The following PAPSS2 variants were observed in gnomAD, a reference collection of about 807,000 sequenced individuals.
The protein encoded by PAPSS2 is 3'-phosphoadenosine 5'-phosphosulfate synthase 2.
A neutral mutation model predicts 66.5 loss-of-function variants in PAPSS2; 61 were observed. That is an observed-to-expected ratio of 0.92 (90% confidence interval 0.75 to 1.14). The LOEUF (loss-of-function observed/expected upper bound fraction) is 1.14. Among genes scored for constraint, PAPSS2 ranks in the 50% most tolerant of loss-of-function variants. The pLI is 0.00. For synonymous variants in PAPSS2, 289 were observed against 287.5 expected (o/e 1.01, Z -0.05); for missense variants, 708 against 789.6 (o/e 0.90, Z 1.24).
intron 11 of PAPSS2, among the ~76,000 whole-genome samples, chr10:87,744,581 A>G (rs921978240): frequency 5.9e-5 from 9 of 152,238 alleles, no homozygotes; most frequent in African/African-American, 2.2e-4. Context: ...TGAAATCAGC[A>G]TTTGTGTGTG....
intron 9 of PAPSS2, among the ~76,000 whole-genome samples, chr10:87,740,183 A>G (rs1853849841): frequency 6.6e-6 from 1 of 152,354 alleles, no homozygotes; most frequent in Admixed American, 6.5e-5. Flanking sequence ...GATAAATCTT[A>G]AGGTTTCAAG....
intron 2 of PAPSS2, among the ~76,000 whole-genome samples, chr10:87,710,358 G>A (rs547062477): frequency 6.6e-6 from 1 of 152,304 alleles, no homozygotes; most frequent in Non-Finnish European, 1.5e-5. Context: ...TGCAAGGACA[G>A]ACAGTGAGCA....
Position 87,746,036 on chromosome 10 carries a change from T to C in PAPSS2, c.*66T>C. ...TACCTTTTCTATTTTTATGATTAGATGCTTTGTATTAAATTGCTTCTCAAT... is the reference window on the plus strand; with the variant it reads ...TACCTTTTCTATTTTTATGATTAGACGCTTTGTATTAAATTGCTTCTCAAT... On this transcript the variant is annotated 3_prime_UTR_variant, in exon 13 of 13. Coordinates refer to ENST00000456849, the MANE Select transcript of PAPSS2 (RefSeq NM_001015880.2). 2 of 1,475,310 alleles carry C rather than the reference T, an allele frequency of 1.4e-6. No homozygotes were observed. Among genetic ancestry groups the C allele is most frequent in the Non-Finnish European group, 1.9e-6 (2 of 1,056,138 alleles). The allele number at this position is 1,475,310 out of a possible 1,614,324, so 91.4% of individuals were successfully genotyped here.
intron 11 of PAPSS2, among the ~76,000 whole-genome samples, chr10:87,744,501 G>T (rs1339883498): frequency 2.6e-5 from 4 of 152,170 alleles, no homozygotes; most frequent in Non-Finnish European, 5.9e-5. Flanking sequence ...AAAGTTCCAG[G>T]CCCCTAGCTC....
chr10:87,679,347 A>G (rs1196138519), intron 1 of PAPSS2, among the ~76,000 whole-genome samples: 1 of 152,234 alleles, frequency 6.6e-6, no homozygotes, highest in Non-Finnish European at 1.5e-5. Flanking sequence ...AAAAGTTATA[A>G]TAAGTTCTAT....
At chr10:87,660,820 A>G (rs940386898) in intron 1 of PAPSS2, among the ~76,000 whole-genome samples, 2 of 151,068 alleles carry the variant, frequency 1.3e-5, no homozygotes, top group South Asian at 2.1e-4. Flanking sequence ...AAAAAAAAAA[A>G]AAAAAAAAAA....
chr10:87,740,459 C>T (rs1326926240), intron 9 of PAPSS2, among the ~76,000 whole-genome samples: 1 of 152,188 alleles, frequency 6.6e-6, no homozygotes, highest in Non-Finnish European at 1.5e-5. Context: ...ATCCAAAGCA[C>T]AGTGAACTAA....
At position 87,709,166 on chromosome 10, in the gene PAPSS2, T is replaced by C. The variant is rs748638186; in HGVS notation, c.28-30T>C. ...GAAGAATATGTGTTTTATTAATTAA[T>C]ACTGTGCTTGGTTTTGTCTTATTTT... On this transcript the variant is annotated intron_variant, in intron 1 of 12. Transcript: ENST00000456849. 1.2e-5 allele frequency: 17 copies of C among 1,406,392 alleles called. No homozygotes were observed. The South Asian group carries it at 1.6e-4, about 13-fold the overall frequency. 87.1% of individuals were successfully genotyped at this position (1,406,392 alleles called of 1,614,324 possible). A position where few individuals can be genotyped will look rare whatever the true frequency, so the allele number is the denominator to read the frequency against.
At chr10:87,732,817 G>A (rs1853745979) in intron 9 of PAPSS2, among the ~76,000 whole-genome samples, 1 of 152,096 alleles carries the variant, frequency 6.6e-6, no homozygotes. Flanking sequence ...CATGACTTGT[G>A]TCTTTGACAA....
chr10:87,660,124 G>A (rs1045028328), intron 1 of PAPSS2, 116 bp downstream of exon 1: 2 of 1,057,196 alleles, frequency 1.9e-6, no homozygotes, highest in African/African-American at 3.1e-5. Flanking sequence ...GTCGGGAGGA[G>A]GAGTAAGAGT....
intron 9 of PAPSS2, among the ~76,000 whole-genome samples, chr10:87,734,661 GTGTATATATATATATATATATATA>G (rs1398632008): frequency 3.3e-5 from 3 of 90,378 alleles, no homozygotes; most frequent in East Asian, 3.8e-4. Flanking sequence ...ATGAATGTGT[GTGTATATATATATATATATATATA>G]TATATATATA....
chr10:87,739,256 G>A (rs1853838240), intron 9 of PAPSS2, among the ~76,000 whole-genome samples: 1 of 152,138 alleles, frequency 6.6e-6, no homozygotes, highest in East Asian at 1.9e-4. Context: ...ATTATTTGTT[G>A]AAGAGACTGT....
rs139394287 is a variant in PAPSS2 at position 87,681,575 on chromosome 10, C to T, written c.27+21567C>T. ...AATAATTTATATACTATAAAATTCA[C>T]CCATTTTAACTGTACAGTTTAAAGA... On this transcript the variant is annotated intron_variant, in intron 1 of 12. Coordinates refer to ENST00000456849, the MANE Select transcript of PAPSS2 (RefSeq NM_001015880.2). Among the ~76,000 whole-genome samples, 746 of 152,216 alleles carry T rather than the reference C, an allele frequency of 4.9e-3. 7 individuals carry two copies. The highest frequency in any genetic ancestry group is 0.017 in the African/African-American group (713 of 41,536).
chr10:87,714,184 T>C lies in PAPSS2; in HGVS notation c.520+2T>C. ...GGGCCAGAGCTGGGGAGATTAAAGG[T>C]AAGAGAATTGGCTAGTAGCGTCTAC... On this transcript the variant is annotated splice_donor_variant, in intron 4 of 12. Transcript: ENST00000456849. LOFTEE classifies it high-confidence loss of function. 6.2e-7 allele frequency: 1 copy of C among 1,612,738 alleles called. No homozygotes were observed.
intron 1 of PAPSS2, among the ~76,000 whole-genome samples, chr10:87,664,422 TC>T (rs765040398): frequency 4.6e-5 from 7 of 152,202 alleles, no homozygotes; most frequent in Non-Finnish European, 1.0e-4. Flanking sequence ...TCTCCACCCT[TC>T]CTGTGCCTTC....
chr10:87,714,983 A>G lies in PAPSS2; in HGVS notation c.640-2A>G. On this transcript the variant is annotated splice_acceptor_variant, in intron 5 of 12. Transcript: ENST00000456849. LOFTEE classifies it high-confidence loss of function. The stretch of plus-strand genomic sequence containing the variant: ...GTTTTTACCAATGCTGTTTCATTTC[A>G]GAACATTGTACCCTATACTATAATC... 1 of 1,589,328 alleles carries G rather than the reference A, an allele frequency of 6.3e-7. No individual in the cohort carries two copies. Among genetic ancestry groups the G allele is most frequent in the Non-Finnish European group, 8.6e-7 (1 of 1,157,490 alleles).
intron 1 of PAPSS2, chr10:87,704,190 C>A (rs1371501058): frequency 5.6e-6 from 2 of 358,328 alleles, no homozygotes; most frequent in Non-Finnish European, 1.1e-5. Context: ...CAGTACCTGG[C>A]CATCCGAAAG....
intron 1 of PAPSS2, chr10:87,703,621 G>A (rs1388595582): frequency 2.2e-6 from 1 of 449,600 alleles, no homozygotes. Flanking sequence ...GAGGTTCAGA[G>A]ATGTTAATAA....
intron 1 of PAPSS2, among the ~76,000 whole-genome samples, chr10:87,675,445 C>T (rs1410232574): frequency 6.6e-6 from 1 of 152,178 alleles, no homozygotes; most frequent in Non-Finnish European, 1.5e-5. Flanking sequence ...AAGTTAATGA[C>T]ATAATCCCTT....
Sources: gnomAD v4.1 joint callset for allele counts (sites outside exome capture counted in the v4.1 genomes callset) on GRCh38, gnomAD v4.1.1 for gene constraint, MANE v1.5 for transcripts, NCBI Gene and HGNC (gene_info 2026-07-23, HGNC 2026-07-21) for gene names.